L3MBTL4: variants seen among roughly 807,000 people sequenced by gnomAD.
L3MBTL4 encodes lethal(3)malignant brain tumor-like protein 4.
In L3MBTL4, 70 loss-of-function variants were observed where a neutral mutation model predicts 84.5. That is an observed-to-expected ratio of 0.83 (90% CI 0.68 to 1.01). The LOEUF is 1.01. L3MBTL4 is among the 50% of genes least tolerant of loss of function. L3MBTL4 has a pLI of 0.00. For missense variants in L3MBTL4, 715 were observed against 754.8 expected, an observed-to-expected ratio of 0.95 and a Z score of 0.62; for synonymous variants, 274 against 259.8, an observed-to-expected ratio of 1.05 and a Z score of -0.52.
At chr18:6,239,067 C>A (rs1046433392) in intron 9 of L3MBTL4, among the ~76,000 whole-genome samples, 1 of 152,042 alleles carries the variant, frequency 6.6e-6, no homozygotes, top group Non-Finnish European at 1.5e-5. Context: ...GGTGGCCAGG[C>A]GCGGTGGCTC....
At chr18:6,231,479 A>G (rs543195624) in intron 10 of L3MBTL4, among the ~76,000 whole-genome samples, 2 of 152,286 alleles carry the variant, frequency 1.3e-5, no homozygotes, top group Non-Finnish European at 2.9e-5. Context: ...TGGTTACAGT[A>G]GACTTGTATA....
At chr18:6,203,898 C>T (rs756810643) in intron 12 of L3MBTL4, among the ~76,000 whole-genome samples, 4 of 152,216 alleles carry the variant, frequency 2.6e-5, no homozygotes, top group Non-Finnish European at 5.9e-5. Context: ...CCACATTCAG[C>T]TCTGGAATGA....
chr18:6,270,189 C>A (rs1244675595), intron 4 of L3MBTL4, among the ~76,000 whole-genome samples: 2 of 152,218 alleles, frequency 1.3e-5, no homozygotes, highest in Admixed American at 1.3e-4. Flanking sequence ...CTGATCACTG[C>A]TGAACAATAC....
At chr18:5,969,359 A>T in intron 17 of L3MBTL4, 34 bp downstream of exon 17, 1 of 1,611,538 alleles carries the variant, frequency 6.2e-7, no homozygotes, top group Non-Finnish European at 8.5e-7. Context: ...CAGCAGGCAC[A>T]CCCCAGCCCT....
intron 1 of L3MBTL4, among the ~76,000 whole-genome samples, chr18:6,382,487 A>C (rs2054632013): frequency 6.6e-6 from 1 of 151,998 alleles, no homozygotes; most frequent in Non-Finnish European, 1.5e-5. Flanking sequence ...TTGGTCTTTG[A>C]TGTTGGTGAC....
intron 12 of L3MBTL4, among the ~76,000 whole-genome samples, chr18:6,201,090 G>A (rs1309936930): frequency 2.0e-5 from 3 of 152,050 alleles, no homozygotes; most frequent in Non-Finnish European, 4.4e-5. Flanking sequence ...GTAATCAAGG[G>A]ATAAAAATGC....
chr18:6,221,442 T>A (rs529744076), intron 10 of L3MBTL4, among the ~76,000 whole-genome samples: 11 of 149,136 alleles, frequency 7.4e-5, no homozygotes, highest in African/African-American at 2.6e-4. Flanking sequence ...ATAGACAGAA[T>A]GTTCAGCATG....
chr18:6,006,012 T>TAA (rs35437965), intron 16 of L3MBTL4, among the ~76,000 whole-genome samples: 120 of 148,842 alleles, frequency 8.1e-4, no homozygotes, highest in Middle Eastern at 3.4e-3. Context: ...TACCATAATT[T>TAA]AAAAAAAAAA....
intron 12 of L3MBTL4, among the ~76,000 whole-genome samples, chr18:6,199,342 T>A (rs920658854): frequency 6.6e-6 from 1 of 152,206 alleles, no homozygotes; most frequent in Admixed American, 6.5e-5. Context: ...CTTAAATTCA[T>A]TAAACTCAAC....
At chr18:6,091,545 CCTT>C (rs2058458598) in intron 15 of L3MBTL4, among the ~76,000 whole-genome samples, 1 of 152,180 alleles carries the variant, frequency 6.6e-6, no homozygotes, top group Admixed American at 6.5e-5. Flanking sequence ...ATTCTCGACT[CCTT>C]CTATCTGTAG....
intron 4 of L3MBTL4, among the ~76,000 whole-genome samples, chr18:6,295,342 CTCTCTA>C (rs1450004102): frequency 6.2e-4 from 73 of 117,096 alleles, no homozygotes; most frequent in African/African-American, 2.1e-3. Context: ...CTCTCTCTCT[CTCTCTA>C]TATATATATA....
intron 16 of L3MBTL4, among the ~76,000 whole-genome samples, chr18:6,008,441 G>C (rs1450738362): frequency 6.6e-6 from 1 of 152,188 alleles, no homozygotes; most frequent in African/African-American, 2.4e-5. Flanking sequence ...AAATACTATA[G>C]ATTGGTGGCT....
chr18:6,307,226 A>G (rs2050626007), intron 3 of L3MBTL4, among the ~76,000 whole-genome samples: 1 of 151,864 alleles, frequency 6.6e-6, no homozygotes, highest in Admixed American at 6.6e-5. Context: ...AGGTCAAGAG[A>G]TTGAGACCAT....
At chr18:6,080,741 G>T in intron 16 of L3MBTL4, 140 bp downstream of exon 16, 1 of 603,434 alleles carries the variant, frequency 1.7e-6, no homozygotes. Context: ...GCGGGAACTA[G>T]AACACAAGTC....
intron 12 of L3MBTL4, among the ~76,000 whole-genome samples, chr18:6,192,194 T>A (rs908958724): frequency 1.3e-5 from 2 of 151,802 alleles, no homozygotes; most frequent in Non-Finnish European, 2.9e-5. Flanking sequence ...TTCAAAGAGG[T>A]CTCCTTTAAA....
intron 3 of L3MBTL4, among the ~76,000 whole-genome samples, chr18:6,308,310 G>C (rs537711941): frequency 6.6e-6 from 1 of 152,174 alleles, no homozygotes; most frequent in South Asian, 2.1e-4. Flanking sequence ...CCAAGGAAAA[G>C]AGGCACTCTC....
At chr18:6,339,710 A>G (rs1413210839) in intron 1 of L3MBTL4, among the ~76,000 whole-genome samples, 1 of 152,168 alleles carries the variant, frequency 6.6e-6, no homozygotes, top group African/African-American at 2.4e-5. Context: ...AAAAAGCAAA[A>G]GAAAAGAAAA....
chr18:6,307,087 C>T (rs1356939225), intron 3 of L3MBTL4, among the ~76,000 whole-genome samples: 1 of 152,066 alleles, frequency 6.6e-6, no homozygotes, highest in Non-Finnish European at 1.5e-5. Flanking sequence ...CACTCTTACC[C>T]CTCAACTTTC....
Position 6,300,841 on chromosome 18 carries a change from C to T in L3MBTL4, c.127+1062G>A, listed in dbSNP as rs567940599. On this transcript the variant is annotated intron_variant, in intron 4 of 18. Coordinates refer to ENST00000317931, the MANE Select transcript of L3MBTL4 (RefSeq NM_001330559.2). ...GGGCCAGGTACAGTCCAATTCATTT[C>T]TAAAATCCCAGTGTTACATAACTGA... 2.6e-5 allele frequency among the ~76,000 whole-genome samples: 4 copies of T among 152,278 alleles called. No homozygotes were observed. In the East Asian group the frequency reaches 7.7e-4, roughly 29 times the overall value.
Sources: allele counts gnomAD v4.1 joint callset (sites outside exome capture counted in the v4.1 genomes callset), GRCh38; gene constraint gnomAD v4.1.1; transcripts MANE v1.5; gene names NCBI Gene and HGNC (gene_info 2026-07-23, HGNC 2026-07-21).